Variants in ARMH3 observed in about 807,000 individuals in gnomAD.
ARMH3 encodes armadillo-like helical domain-containing protein 3.
In ARMH3, 60 loss-of-function variants were observed where a neutral mutation model predicts 99.1. The ratio of observed to expected loss-of-function variants is 0.61; its 90% CI spans 0.49 to 0.75. The LOEUF (loss-of-function observed/expected upper bound fraction) is 0.75. Among genes scored for constraint, ARMH3 ranks in the 30% least tolerant of loss-of-function variants. The pLI is 0.00. For synonymous variants in ARMH3, 285 were observed against 292.8 expected, an observed-to-expected ratio of 0.97 and a Z score of 0.27; for missense variants, 679 against 843.1, an observed-to-expected ratio of 0.81 and a Z score of 2.41.
At chr10:101,944,125 T>C (rs1248062768) in intron 22 of ARMH3, among the ~76,000 whole-genome samples, 1 of 148,564 alleles carries the variant, frequency 6.7e-6, no homozygotes, top group East Asian at 2.0e-4. Flanking sequence ...TGAGGAAAAT[T>C]TGAAAATGAT....
intron 19 of ARMH3, among the ~76,000 whole-genome samples, chr10:101,976,416 A>T (rs72844683): frequency 0.2 from 28,228 of 141,002 alleles, 2,818 homozygotes; most frequent in East Asian, 0.49. Context: ...TCTCTCTCAC[A>T]CACACACACA....
At chr10:101,860,910 C>G (rs770036467) in intron 24 of ARMH3, among the ~76,000 whole-genome samples, 10 of 152,110 alleles carry the variant, frequency 6.6e-5, no homozygotes, top group Non-Finnish European at 1.2e-4. Flanking sequence ...ATTTTATCTG[C>G]CTTCCTGAAT....
chr10:101,882,433 C>G (rs961908070), intron 24 of ARMH3, among the ~76,000 whole-genome samples: 6 of 152,190 alleles, frequency 3.9e-5, no homozygotes, highest in Non-Finnish European at 7.3e-5. Context: ...CCTAAAAGCT[C>G]AAGATCCTCA....
At chr10:101,888,888 C>T (rs2067618717) in intron 24 of ARMH3, among the ~76,000 whole-genome samples, 1 of 152,190 alleles carries the variant, frequency 6.6e-6, no homozygotes, top group Non-Finnish European at 1.5e-5. Context: ...AAAACAAAGA[C>T]ACAAGGCTAT....
intron 1 of ARMH3, among the ~76,000 whole-genome samples, chr10:102,053,655 T>C (rs2067764960): frequency 6.6e-6 from 1 of 151,904 alleles, no homozygotes; most frequent in African/African-American, 2.4e-5. Context: ...CATTACACTG[T>C]ATAAATTTTT....
chr10:101,851,512 T>C (rs144607865), intron 24 of ARMH3, among the ~76,000 whole-genome samples: 153 of 150,870 alleles, frequency 1.0e-3, no homozygotes, highest in African/African-American at 3.5e-3. Context: ...CAGAAGGGGG[T>C]TGGGGGTTGG....
chr10:101,891,829 C>A (rs2067697783), intron 23 of ARMH3, among the ~76,000 whole-genome samples: 1 of 152,000 alleles, frequency 6.6e-6, no homozygotes, highest in South Asian at 2.1e-4. Flanking sequence ...GTAGTGTGGG[C>A]TAGGCGTGGT....
At chr10:101,955,372 T>C (rs1408632127) in intron 22 of ARMH3, among the ~76,000 whole-genome samples, 3 of 152,224 alleles carry the variant, frequency 2.0e-5, no homozygotes, top group Non-Finnish European at 2.9e-5. Flanking sequence ...CTCTTTAAGA[T>C]GGTTTTAAGT....
chr10:101,914,682 A>C (rs1172633311), intron 23 of ARMH3, among the ~76,000 whole-genome samples: 1 of 151,344 alleles, frequency 6.6e-6, no homozygotes. Flanking sequence ...CCTGGCCAAC[A>C]TGGTGAAACC....
At chr10:101,983,507 C>T (rs2135963705) in intron 19 of ARMH3, among the ~76,000 whole-genome samples, 1 of 152,308 alleles carries the variant, frequency 6.6e-6, no homozygotes, top group South Asian at 2.1e-4. Context: ...GATCCATCTA[C>T]CTCAGCCTCC....
chr10:101,938,566 A>C (rs1026540795), intron 23 of ARMH3, among the ~76,000 whole-genome samples: 1 of 152,238 alleles, frequency 6.6e-6, no homozygotes, highest in African/African-American at 2.4e-5. Flanking sequence ...AACACAACAT[A>C]AATTATACCC....
intron 19 of ARMH3, among the ~76,000 whole-genome samples, chr10:101,983,215 C>T (rs1846309720): frequency 6.6e-6 from 1 of 152,130 alleles, no homozygotes; most frequent in African/African-American, 2.4e-5. Flanking sequence ...CAGCCCTAGC[C>T]CTGACTTCCA....
At position 101,897,479 on chromosome 10, in the gene ARMH3, G is replaced by A. The variant is rs11191140; in HGVS notation, c.1782-7989C>T. Reference sequence around the variant, plus strand: ...AGAAGGAGCAAAAGTTGACACTGATGACAATAAAGCTTTTCTTCCTCTTAA... The same window carrying A: ...AGAAGGAGCAAAAGTTGACACTGATAACAATAAAGCTTTTCTTCCTCTTAA... On this transcript the variant is annotated intron_variant, in intron 23 of 25. Transcript: ENST00000370033. 8.5e-3 allele frequency among the ~76,000 whole-genome samples: 1,299 copies of A among 152,318 alleles called. 33 individuals are homozygous for A. The East Asian group carries it at 0.096, about 11-fold the overall frequency.
chr10:101,939,408 T>C (rs997525477), intron 23 of ARMH3, among the ~76,000 whole-genome samples: 2 of 152,200 alleles, frequency 1.3e-5, no homozygotes, highest in African/African-American at 4.8e-5. Flanking sequence ...TCTTGCTGTT[T>C]CATAAGCAAC....
At chr10:102,007,901 C>G (rs1312805367) in intron 13 of ARMH3, among the ~76,000 whole-genome samples, 4 of 140,602 alleles carry the variant, frequency 2.8e-5, no homozygotes, top group African/African-American at 5.3e-5. Flanking sequence ...CCACAACAAA[C>G]AAAAGTGTGT....
intron 1 of ARMH3, among the ~76,000 whole-genome samples, chr10:102,044,427 G>A (rs1186682995): frequency 1.3e-5 from 2 of 150,124 alleles, no homozygotes; most frequent in Non-Finnish European, 3.0e-5. Flanking sequence ...GCTGGATGCA[G>A]TGACATGATC....
intron 15 of ARMH3, among the ~76,000 whole-genome samples, chr10:101,996,948 G>C (rs1219351037): frequency 6.6e-6 from 1 of 152,058 alleles, no homozygotes; most frequent in African/African-American, 2.4e-5. Context: ...AAGTAATAAA[G>C]GCTTTAAAAG....
intron 24 of ARMH3, among the ~76,000 whole-genome samples, chr10:101,854,715 A>C (rs1400510249): frequency 1.3e-5 from 2 of 152,306 alleles, no homozygotes; most frequent in East Asian, 3.9e-4. Context: ...CAGAGACCTA[A>C]GTTTTAGTTC....
At chr10:101,865,962 T>C (rs1257461517) in intron 24 of ARMH3, among the ~76,000 whole-genome samples, 1 of 151,606 alleles carries the variant, frequency 6.6e-6, no homozygotes, top group Non-Finnish European at 1.5e-5. Context: ...GGCTCACGCC[T>C]GTAATCCCAG....
Sources: gnomAD v4.1 joint callset for allele counts (sites outside exome capture counted in the v4.1 genomes callset) on GRCh38, gnomAD v4.1.1 for gene constraint, MANE v1.5 for transcripts, NCBI Gene and HGNC (gene_info 2026-07-23, HGNC 2026-07-21) for gene names.